The following DOCK8 variants were observed in gnomAD, a reference collection of about 807,000 sequenced individuals.
DOCK8 encodes the protein dedicator of cytokinesis 8, also known as dedicator of cytokinesis protein 8.
Under a neutral mutation model 245.6 loss-of-function variants are expected in DOCK8, and 141 were observed. The ratio of observed to expected loss-of-function variants is 0.57; its 90% confidence interval spans 0.50 to 0.66. The LOEUF (loss-of-function observed/expected upper bound fraction) is 0.66, where lower values mean the gene tolerates loss of function less well. Among genes scored for constraint, DOCK8 ranks in the 30% least tolerant of loss-of-function variants. DOCK8 has a pLI of 0.00. For synonymous variants in DOCK8, 1,168 were observed against 970.2 expected (o/e 1.20, Z -3.79); for missense variants, 2,965 against 2,603.4 (o/e 1.14, Z -3.02).
intron 28 of DOCK8, among the ~76,000 whole-genome samples, chr9:409,858 C>T (rs191839180): frequency 2.5e-4 from 38 of 152,190 alleles, no homozygotes; most frequent in African/African-American, 8.4e-4. Context: ...ATCCATGTCC[C>T]TACAAAGGAC....
chr9:289,439 G>A (rs1004777166), intron 3 of DOCK8, 71 bp from the exon 4 acceptor site: 14 of 1,216,666 alleles, frequency 1.2e-5, no homozygotes, highest in Non-Finnish European at 1.7e-5. Flanking sequence ...CATGTTCCTT[G>A]CTCATGATTA....
Position 434,834 on chromosome 9 carries a change from G to T in DOCK8, c.4938G>T (p.Gln1646His). ...CTGATCTGCGGCTGACCTGGCTCCA[G>T]AACATGGCAGAGAAACACACCAAGA... is the stretch of plus-strand genomic sequence containing the variant. ...ASPDLRLTWL[Q>H]NMAEKHTKKK... The change falls in exon 39 of 48, where the codon CAG becomes CAT. Residue 1646 changes from glutamine to histidine, a missense_variant. This residue lies in a region of DOCK8 where 2,825 missense variants were observed against 2,453.5 expected (regional missense o/e 1.15). Coordinates refer to ENST00000432829, the MANE Select transcript of DOCK8 (RefSeq NM_203447.4). 6.2e-7 allele frequency: 1 copy of T among 1,614,154 alleles called. No individual in the cohort carries two copies. The highest frequency in any genetic ancestry group is 1.1e-5 in the South Asian group (1 of 91,076).
chr9:363,320 A>G (rs1563965997), intron 14 of DOCK8, among the ~76,000 whole-genome samples: 1 of 152,228 alleles, frequency 6.6e-6, no homozygotes, highest in Admixed American at 6.5e-5. Context: ...TATTAAGGTC[A>G]TGGGCTGTCT....
At chr9:312,946 C>T (rs1349710831) in intron 6 of DOCK8, 1 of 151,592 alleles carries the variant, frequency 6.6e-6, no homozygotes. Context: ...TTGGAAGAAA[C>T]AGGATTTGAG....
intron 6 of DOCK8, among the ~76,000 whole-genome samples, chr9:316,682 A>G (rs906581197): frequency 6.6e-6 from 1 of 152,200 alleles, no homozygotes; most frequent in African/African-American, 2.4e-5. Context: ...AAATATTGCA[A>G]ATGTGTAATT....
chr9:418,308 G>C, intron 30 of DOCK8, 101 bp downstream of exon 30: 1 of 1,517,118 alleles, frequency 6.6e-7, no homozygotes, highest in Non-Finnish European at 9.1e-7. Context: ...GTCTCACTCT[G>C]TTGCACAGGC....
At chr9:317,895 T>C (rs1027327363) in intron 7 of DOCK8, among the ~76,000 whole-genome samples, 2 of 152,202 alleles carry the variant, frequency 1.3e-5, no homozygotes, top group Non-Finnish European at 2.9e-5. Context: ...TACAGTCTGG[T>C]TTCATCTTGT....
In DOCK8 at chr9:339,110, C is replaced by T; in HGVS notation, c.1516+11C>T. ...TCAAGTCAATTCCAGGTGTGAATGA[C>T]TTATCTTTATCCTCTTTAGCTGTGC... On this transcript the variant is annotated intron_variant, in intron 13 of 47. Coordinates refer to ENST00000432829, the MANE Select transcript of DOCK8 (RefSeq NM_203447.4). The T allele has an allele frequency of 1.2e-6, 2 of 1,611,510 alleles. No individual in the cohort carries two copies. Among genetic ancestry groups the T allele is most frequent in the Non-Finnish European group, 1.7e-6 (2 of 1,177,798 alleles).
At chr9:427,413 T>C (rs901426644) in intron 34 of DOCK8, among the ~76,000 whole-genome samples, 1 of 152,152 alleles carries the variant, frequency 6.6e-6, no homozygotes, top group African/African-American at 2.4e-5. Context: ...GAGTGCTAAA[T>C]TTGACAAATG....
intron 46 of DOCK8, chr9:456,573 C>G (rs1227959465): frequency 6.6e-6 from 1 of 152,224 alleles, no homozygotes; most frequent in African/African-American, 2.4e-5. Flanking sequence ...TCTGACTCAG[C>G]TGTAGTGGAA....
intron 14 of DOCK8, among the ~76,000 whole-genome samples, chr9:344,218 G>T (rs2130956848): frequency 6.6e-6 from 1 of 152,254 alleles, no homozygotes; most frequent in East Asian, 1.9e-4. Flanking sequence ...CCCTTCTCTT[G>T]GCTCACAGTT....
intron 35 of DOCK8, among the ~76,000 whole-genome samples, chr9:428,829 T>C (rs112592062): frequency 3.5e-4 from 53 of 152,354 alleles, no homozygotes; most frequent in African/African-American, 1.2e-3. Context: ...CTGAGTGAGA[T>C]TAAATCCTCT....
At chr9:263,715 C>T (rs990805951) in intron 1 of DOCK8, among the ~76,000 whole-genome samples, 1 of 152,110 alleles carries the variant, frequency 6.6e-6, no homozygotes, top group African/African-American at 2.4e-5. Flanking sequence ...AATATTTTCA[C>T]TAGGTAGAAA....
chr9:407,166 C>T, intron 28 of DOCK8, 97 bp downstream of exon 28: 3 of 1,533,664 alleles, frequency 2.0e-6, no homozygotes, highest in Non-Finnish European at 2.7e-6. Context: ...GTAAAAAACT[C>T]TACTGTAGTT....
intron 24 of DOCK8, among the ~76,000 whole-genome samples, chr9:393,489 G>T (rs919899257): frequency 1.3e-5 from 2 of 152,176 alleles, no homozygotes; most frequent in African/African-American, 4.8e-5. Flanking sequence ...TTACAGATGG[G>T]GTTGGAGGAA....
At chr9:334,032 T>C (rs1364066553) in intron 10 of DOCK8, among the ~76,000 whole-genome samples, 193 bp from the exon 11 acceptor site, 1 of 124,914 alleles carries the variant, frequency 8.0e-6, no homozygotes, top group Non-Finnish European at 1.7e-5. Flanking sequence ...TAATCTTTAT[T>C]TCCTTATCAG....
intron 14 of DOCK8, among the ~76,000 whole-genome samples, chr9:367,644 C>T (rs914605003): frequency 6.6e-6 from 1 of 152,138 alleles, no homozygotes; most frequent in African/African-American, 2.4e-5. Context: ...AGAAGAATGA[C>T]AAGTAGGCCA....
chr9:451,973 ATATAT>A (rs1169769756), intron 45 of DOCK8, 33 bp from the exon 46 acceptor site: 2 of 369,370 alleles, frequency 5.4e-6, no homozygotes, highest in Non-Finnish European at 8.8e-6. Context: ...ATATATATAT[ATATAT>A]TTTTTTTTTT....
At chr9:354,407 G>A (rs551349189) in intron 14 of DOCK8, among the ~76,000 whole-genome samples, 5 of 152,042 alleles carry the variant, frequency 3.3e-5, no homozygotes, top group Non-Finnish European at 5.9e-5. Context: ...TTTTTTGAAG[G>A]AAACACATAT....
Sources: allele counts gnomAD v4.1 joint callset (sites outside exome capture counted in the v4.1 genomes callset), GRCh38; gene constraint gnomAD v4.1.1; regional missense constraint gnomAD v4.1.1; transcripts MANE v1.5; gene names NCBI Gene and HGNC (gene_info 2026-07-23, HGNC 2026-07-21).